Variants in LRRIQ1 observed in about 807,000 individuals in gnomAD.
The protein encoded by LRRIQ1 is leucine rich repeats and IQ motif containing 1, also known as leucine-rich repeat- and IQ domain-containing protein 1.
LRRIQ1 carries 210 observed loss-of-function variants against 211.9 expected under a neutral mutation model. The observed-to-expected ratio is 0.99, with a 90% CI of 0.89 to 1.11. The LOEUF (loss-of-function observed/expected upper bound fraction) is 1.11, where lower values mean the gene tolerates loss of function less well. Ranked by LOEUF, LRRIQ1 falls within the 50% of genes most tolerant of loss-of-function variation. LRRIQ1 has a pLI of 0.00. For missense variants in LRRIQ1, 2,136 were observed against 1,939.5 expected (o/e 1.10, Z -1.90); for synonymous variants, 699 against 650.1 (o/e 1.08, Z -1.14).
At chr12:85,044,867 T>G in intron 4 of LRRIQ1, 58 bp downstream of exon 4, 2 of 714,226 alleles carry the variant, frequency 2.8e-6, no homozygotes, top group Non-Finnish European at 4.6e-6. Flanking sequence ...ATTTTCTCTC[T>G]TACACAAGAT....
chr12:85,125,434 G>A (rs1023323733), intron 17 of LRRIQ1, among the ~76,000 whole-genome samples: 5 of 152,006 alleles, frequency 3.3e-5, no homozygotes, highest in Non-Finnish European at 5.9e-5. Context: ...TTTTACTTTG[G>A]CCTGTCAATT....
At chr12:85,156,458 A>C (rs1173278518) in intron 23 of LRRIQ1, among the ~76,000 whole-genome samples, 1 of 151,766 alleles carries the variant, frequency 6.6e-6, no homozygotes, top group South Asian at 2.1e-4. Context: ...AACTTATTTC[A>C]TTTTGTATCT....
chr12:85,088,236 G>T (rs1380047043), intron 11 of LRRIQ1, among the ~76,000 whole-genome samples: 1 of 152,092 alleles, frequency 6.6e-6, no homozygotes, highest in East Asian at 1.9e-4. Context: ...TGTAAGGTTT[G>T]TCAAAGATCA....
intron 24 of LRRIQ1, among the ~76,000 whole-genome samples, chr12:85,209,236 C>G (rs1893717105): frequency 6.6e-6 from 1 of 152,274 alleles, no homozygotes; most frequent in African/African-American, 2.4e-5. Context: ...ACTGACAGTT[C>G]TACAGGGCTG....
At chr12:85,096,833 G>A (rs560445341) in intron 11 of LRRIQ1, among the ~76,000 whole-genome samples, 1 of 152,188 alleles carries the variant, frequency 6.6e-6, no homozygotes, top group South Asian at 2.1e-4. Flanking sequence ...TATTAATTTA[G>A]GAGCTCCAAT....
chr12:85,131,880 TAGTC>T (rs748386917), intron 18 of LRRIQ1, among the ~76,000 whole-genome samples: 6 of 152,162 alleles, frequency 3.9e-5, no homozygotes, highest in South Asian at 2.1e-4. Flanking sequence ...AAATGTGACT[TAGTC>T]AGAAATAAAT....
Position 85,218,887 on chromosome 12 carries a change from G to T in LRRIQ1, c.4823-10630G>T, listed in dbSNP as rs576478227. Among the ~76,000 whole-genome samples the T allele has an allele frequency of 9.2e-5, 14 of 152,114 alleles. 1 individual carries two copies. In the South Asian group the frequency reaches 1.9e-3, roughly 20 times the overall value. ...CTTCAATACAACTTGGCATAACACT[G>T]TTACTAATCCTGTTATTTAAAACTT... is the stretch of plus-strand genomic sequence containing the variant. On this transcript the variant is annotated intron_variant, in intron 24 of 26. Transcript: ENST00000393217.
intron 25 of LRRIQ1, 93 bp from the exon 26 acceptor site, chr12:85,232,603 G>T (rs1056070588): frequency 2.0e-6 from 2 of 985,882 alleles, no homozygotes; most frequent in Admixed American, 5.0e-5. Context: ...TGTAAATAAC[G>T]AATTTCTCTC....
intron 7 of LRRIQ1, 85 bp from the exon 8 acceptor site, chr12:85,055,462 G>T: frequency 9.0e-7 from 1 of 1,106,780 alleles, no homozygotes. Flanking sequence ...TTTAGTATTT[G>T]TTTTCAATCT....
chr12:85,108,937 GT>G (rs1205294033), intron 15 of LRRIQ1, among the ~76,000 whole-genome samples: 10 of 151,930 alleles, frequency 6.6e-5, no homozygotes, highest in African/African-American at 2.4e-4. Flanking sequence ...TTGTCAATTT[GT>G]TCAGGCAGTT....
intron 24 of LRRIQ1, among the ~76,000 whole-genome samples, chr12:85,213,005 A>G (rs181306094): frequency 4.0e-4 from 60 of 151,734 alleles, no homozygotes; most frequent in African/African-American, 1.3e-3. Context: ...GTGTACTTAA[A>G]CTCAAAATAT....
chr12:85,095,743 C>T (rs1885812113), intron 11 of LRRIQ1, among the ~76,000 whole-genome samples: 1 of 152,100 alleles, frequency 6.6e-6, no homozygotes, highest in Non-Finnish European at 1.5e-5. Context: ...CTGTATAATT[C>T]AGCTTTGAAT....
At chr12:85,261,765 T>TTTTATTTATTTATTTATTTA (rs375693906) in intron 1 of LRRIQ1, among the ~76,000 whole-genome samples, 88 of 139,666 alleles carry the variant, frequency 6.3e-4, no homozygotes, top group East Asian at 1.8e-3. Context: ...TTTTTGTTTA[T>TTTTATTTATTTATTTATTTA]TTTATTTATT....
chr12:85,049,354 A>G (rs1182487162), intron 6 of LRRIQ1, among the ~76,000 whole-genome samples: 1 of 152,160 alleles, frequency 6.6e-6, no homozygotes, highest in Non-Finnish European at 1.5e-5. Context: ...TTACACAGCT[A>G]TTTAGTATCA....
intron 13 of LRRIQ1, among the ~76,000 whole-genome samples, chr12:85,101,533 C>A (rs1886346187): frequency 6.6e-6 from 1 of 151,720 alleles, no homozygotes; most frequent in Admixed American, 6.6e-5. Context: ...GTGACAAGGT[C>A]AAATGGTTTT....
chr12:85,094,629 T>A (rs1592784480), intron 11 of LRRIQ1, among the ~76,000 whole-genome samples: 1 of 151,982 alleles, frequency 6.6e-6, no homozygotes. Flanking sequence ...TTTAGAATAG[T>A]TTTTTTTCTA....
chr12:85,080,067 G>A lies in LRRIQ1; in HGVS notation c.2887+6969G>A, dbSNP rs144831852. Among the ~76,000 whole-genome samples the A allele has an allele frequency of 4.2e-3, 636 of 151,922 alleles. 4 individuals carry two copies. Among genetic ancestry groups the A allele is most frequent in the African/African-American group, 0.015 (602 of 41,422 alleles). ...GCTTAAGTATGTTTTTAATACACAC[G>A]CGCACACACGTACCCACAAATACAT... is the stretch of plus-strand genomic sequence containing the variant. On this transcript the variant is annotated intron_variant, in intron 11 of 26. Transcript: ENST00000393217.
chr12:85,176,119 T>C (rs976878557), intron 24 of LRRIQ1, among the ~76,000 whole-genome samples: 2 of 152,144 alleles, frequency 1.3e-5, no homozygotes, highest in South Asian at 2.1e-4. Context: ...TTCACGATAC[T>C]GATTCTTCCT....
At chr12:85,218,041 C>T (rs1478447520) in intron 24 of LRRIQ1, among the ~76,000 whole-genome samples, 1 of 151,772 alleles carries the variant, frequency 6.6e-6, no homozygotes. Flanking sequence ...ATGGAGCCTC[C>T]TTCATGGTTA....
Sources: allele counts gnomAD v4.1 joint callset (sites outside exome capture counted in the v4.1 genomes callset), GRCh38; gene constraint gnomAD v4.1.1; transcripts MANE v1.5; gene names NCBI Gene and HGNC (gene_info 2026-07-23, HGNC 2026-07-21).